The following UST variants were observed in gnomAD, a reference collection of about 807,000 sequenced individuals.
The protein encoded by UST is chondroitin sulfate 2-O-sulfotransferase.
Under a neutral mutation model 45.6 loss-of-function variants are expected in UST, and 21 were observed. The observed-to-expected ratio is 0.46, with a 90% CI of 0.33 to 0.66. The LOEUF is 0.66. Among genes scored for constraint, UST ranks in the 30% least tolerant of loss-of-function variants. UST has a pLI of 0.02. For synonymous variants in UST, 215 were observed against 200.6 expected (o/e 1.07, Z -0.61); for missense variants, 463 against 512.4 (o/e 0.90, Z 0.93).
chr6:149,022,431 C>T (rs1775993838), intron 7 of UST, among the ~76,000 whole-genome samples: 2 of 152,034 alleles, frequency 1.3e-5, no homozygotes, highest in Admixed American at 1.3e-4. Context: ...GAAACCCTGT[C>T]TCTACTAAAA....
chr6:148,759,136 T>G (rs1776153954), intron 1 of UST, among the ~76,000 whole-genome samples: 1 of 152,154 alleles, frequency 6.6e-6, no homozygotes, highest in African/African-American at 2.4e-5. Context: ...TTCCGTTCCT[T>G]AGGACCCTCA....
intron 2 of UST, among the ~76,000 whole-genome samples, chr6:148,887,572 C>G (rs1778936251): frequency 6.6e-6 from 1 of 152,244 alleles, no homozygotes; most frequent in South Asian, 2.1e-4. Flanking sequence ...GTTTCCCTAA[C>G]ACTGTTTACT....
At chr6:148,820,722 G>A (rs1015012707) in intron 1 of UST, among the ~76,000 whole-genome samples, 7 of 151,410 alleles carry the variant, frequency 4.6e-5, no homozygotes, top group African/African-American at 1.7e-4. Flanking sequence ...GTGTGGTGGT[G>A]GCCGCCTGTA....
At chr6:148,863,430 C>T (rs553068970) in intron 1 of UST, among the ~76,000 whole-genome samples, 6 of 152,242 alleles carry the variant, frequency 3.9e-5, no homozygotes, top group African/African-American at 7.2e-5. Flanking sequence ...AGCTTCTTTG[C>T]GATGGGTTCG....
chr6:148,876,578 T>C (rs1778655602), intron 1 of UST, among the ~76,000 whole-genome samples: 1 of 152,110 alleles, frequency 6.6e-6, no homozygotes, highest in African/African-American at 2.4e-5. Flanking sequence ...ATGTTCTTTG[T>C]CACTACTCAG....
chr6:148,868,455 G>GA (rs148269407), intron 1 of UST, among the ~76,000 whole-genome samples: 51,204 of 151,632 alleles, frequency 0.34, 9,499 homozygotes, highest in East Asian at 0.51. Flanking sequence ...TGATTCAAAA[G>GA]TGAGTGACTC....
At chr6:148,771,622 G>A (rs545169772) in intron 1 of UST, among the ~76,000 whole-genome samples, 4 of 152,238 alleles carry the variant, frequency 2.6e-5, no homozygotes, top group South Asian at 4.2e-4. Flanking sequence ...ATAATGAGTC[G>A]ACTATTAGAA....
At chr6:148,754,994 CTT>C (rs1582789606) in intron 1 of UST, among the ~76,000 whole-genome samples, 1 of 152,172 alleles carries the variant, frequency 6.6e-6, no homozygotes, top group African/African-American at 2.4e-5. Context: ...ATAGTTAACA[CTT>C]AACCTATTTT....
chr6:149,066,635 A>C (rs1459554978), intron 7 of UST, among the ~76,000 whole-genome samples: 2 of 152,146 alleles, frequency 1.3e-5, no homozygotes, highest in African/African-American at 4.8e-5. Flanking sequence ...AAGAAGAGTA[A>C]GGAAGACTGA....
rs1046588483 is a variant in UST at position 149,007,777 on chromosome 6, C to T, written c.682-11362C>T. The stretch of plus-strand genomic sequence containing the variant: ...TTTTTTTGGCTGTAAGAAAGAGATG[C>T]CAATCTGTCCCTACTCCTAAGGAGC... On this transcript the variant is annotated intron_variant, in intron 5 of 7. Transcript: ENST00000367463. Among the ~76,000 whole-genome samples, 8 of 152,182 alleles carry T rather than the reference C, an allele frequency of 5.3e-5. No homozygotes were observed. In the East Asian group the frequency reaches 1.5e-3, roughly 29 times the overall value.
chr6:149,002,959 G>A (rs1324185992), intron 5 of UST, among the ~76,000 whole-genome samples: 2 of 152,120 alleles, frequency 1.3e-5, no homozygotes, highest in South Asian at 2.1e-4. Context: ...TTCATTGGTC[G>A]CTTAAAGCCA....
intron 1 of UST, among the ~76,000 whole-genome samples, chr6:148,766,931 T>C (rs1776336064): frequency 6.6e-6 from 1 of 152,256 alleles, no homozygotes. Context: ...TATTTGTCTA[T>C]GACTTATAAC....
intron 1 of UST, among the ~76,000 whole-genome samples, chr6:148,841,265 T>G (rs996008652): frequency 2.6e-5 from 4 of 152,176 alleles, no homozygotes; most frequent in Non-Finnish European, 4.4e-5. Flanking sequence ...GTAATTAATT[T>G]ATATTCATTA....
chr6:148,920,914 C>T (rs1270775090), intron 2 of UST, among the ~76,000 whole-genome samples: 1 of 152,214 alleles, frequency 6.6e-6, no homozygotes, highest in African/African-American at 2.4e-5. Flanking sequence ...GTGTTCCCAT[C>T]AGGAGCGTCA....
At position 149,067,486 on chromosome 6, in the gene UST, T is replaced by A. The variant is rs764030394; in HGVS notation, c.938-6347T>A. 5.9e-5 allele frequency among the ~76,000 whole-genome samples: 9 copies of A among 152,274 alleles called. No individual in the cohort carries two copies. The South Asian group carries it at 6.2e-4, about 11-fold the overall frequency. On this transcript the variant is annotated intron_variant, in intron 7 of 7. Coordinates refer to ENST00000367463, the MANE Select transcript of UST (RefSeq NM_005715.3). ...AAAGCTCTTGCCTTGTAGCCAAACA[T>A]GAAAAAGTCCCCCTTCCCTCTTGTC...
At position 148,747,710 on chromosome 6, in the gene UST, C is replaced by A. The variant is rs372426275; in HGVS notation, c.247+33C>A. 1.9e-6 allele frequency: 3 copies of A among 1,553,338 alleles called. No homozygotes were observed. The African/African-American group carries it at 4.2e-5, about 22-fold the overall frequency. On this transcript the variant is annotated intron_variant, in intron 1 of 7. Coordinates refer to ENST00000367463, the MANE Select transcript of UST (RefSeq NM_005715.3). ...AGCTGGGCAGGCGCTAGGGCGGCGC[C>A]GACAGCGCAAAGTTGTGCGGCGGGG...
At chr6:148,747,855 G>A (rs537033291) in intron 1 of UST, among the ~76,000 whole-genome samples, 178 bp downstream of exon 1, 92 of 152,222 alleles carry the variant, frequency 6.0e-4, no homozygotes, top group African/African-American at 2.1e-3. Flanking sequence ...TTCCTCCCGC[G>A]CGTCCGACTG....
chr6:149,058,813 G>A (rs371323220), intron 7 of UST, among the ~76,000 whole-genome samples: 3 of 152,174 alleles, frequency 2.0e-5, no homozygotes, highest in East Asian at 1.9e-4. Flanking sequence ...TGCTTCAATT[G>A]TTGTTGTGAA....
At chr6:148,975,584 T>C (rs1202106532) in intron 5 of UST, among the ~76,000 whole-genome samples, 1 of 152,278 alleles carries the variant, frequency 6.6e-6, no homozygotes, top group South Asian at 2.1e-4. Flanking sequence ...TAATATTAGC[T>C]ATCATCATTA....
Sources: gnomAD v4.1 joint callset for allele counts (sites outside exome capture counted in the v4.1 genomes callset) on GRCh38, gnomAD v4.1.1 for gene constraint, MANE v1.5 for transcripts, NCBI Gene and HGNC (gene_info 2026-07-23, HGNC 2026-07-21) for gene names.